ROBO2: variants seen among roughly 807,000 people sequenced by gnomAD.
ROBO2 encodes the protein roundabout homolog 2.
In ROBO2, 53 loss-of-function variants were observed where a neutral mutation model predicts 160.8. That is an observed-to-expected ratio of 0.33 (90% confidence interval 0.26 to 0.41). The LOEUF is 0.41. Among genes scored for constraint, ROBO2 ranks in the 10% least tolerant of loss-of-function variants. ROBO2 has a pLI of 1.00. For synonymous variants in ROBO2, 664 were observed against 611.7 expected (o/e 1.09, Z -1.26); for missense variants, 1,577 against 1,722.4 (o/e 0.92, Z 1.49).
chr3:76,571,730 T>C (rs964093429), intron 2 of ROBO2, among the ~76,000 whole-genome samples: 4 of 152,232 alleles, frequency 2.6e-5, no homozygotes, highest in Admixed American at 2.0e-4. Context: ...TTTGTAGAAA[T>C]AGAAGGTAAT....
intron 2 of ROBO2, among the ~76,000 whole-genome samples, chr3:76,794,852 T>C (rs1474613341): frequency 4.6e-5 from 7 of 152,042 alleles, no homozygotes; most frequent in Non-Finnish European, 8.8e-5. Context: ...TAAGACACAA[T>C]TTTCTTATTT....
Position 77,186,086 on chromosome 3 carries a change from G to T in ROBO2, c.388+87746G>T, listed in dbSNP as rs192149605. On this transcript the variant is annotated intron_variant, in intron 2 of 25. Coordinates refer to ENST00000461745, the Ensembl canonical transcript of ROBO2. Reference sequence around the variant, plus strand: ...CTACAAATTGGGTGCAGTGTGTACTGCTCGGGTGATGGGTGCACCCAAATC... The same window carrying T: ...CTACAAATTGGGTGCAGTGTGTACTTCTCGGGTGATGGGTGCACCCAAATC... 1.2e-4 allele frequency among the ~76,000 whole-genome samples: 18 copies of T among 152,062 alleles called. No individual in the cohort carries two copies. The East Asian group carries it at 3.5e-3, about 29-fold the overall frequency.
intron 2 of ROBO2, among the ~76,000 whole-genome samples, chr3:75,985,147 A>G (rs1396124508): frequency 4.6e-5 from 7 of 151,502 alleles, no homozygotes; most frequent in Admixed American, 6.6e-5. Flanking sequence ...TATGCATTGT[A>G]TCTTGACAGT....
chr3:76,429,961 C>G (rs891318124), intron 2 of ROBO2, among the ~76,000 whole-genome samples: 7 of 152,074 alleles, frequency 4.6e-5, no homozygotes, highest in African/African-American at 1.7e-4. Flanking sequence ...ACAGCATAGA[C>G]AGTTTGGACT....
At chr3:77,485,023 T>C (rs2085178145) in intron 4 of ROBO2, among the ~76,000 whole-genome samples, 2 of 152,144 alleles carry the variant, frequency 1.3e-5, no homozygotes, top group East Asian at 1.9e-4. Flanking sequence ...TCCCCTTCAC[T>C]ACAGTCTTCC....
intron 2 of ROBO2, among the ~76,000 whole-genome samples, chr3:77,371,203 A>G (rs2153476799): frequency 6.6e-6 from 1 of 152,324 alleles, no homozygotes; most frequent in Middle Eastern, 3.4e-3. Flanking sequence ...TTATGAGAAA[A>G]CAAGAACACT....
intron 2 of ROBO2, among the ~76,000 whole-genome samples, chr3:76,969,802 G>C (rs1370706905): frequency 6.6e-6 from 1 of 151,920 alleles, no homozygotes; most frequent in Non-Finnish European, 1.5e-5. Flanking sequence ...TATCAGAAGA[G>C]CTCTGTGTGT....
intron 16 of ROBO2, among the ~76,000 whole-genome samples, chr3:77,583,152 CAAAAAAA>C (rs56827523): frequency 5.6e-5 from 3 of 53,770 alleles, no homozygotes; most frequent in African/African-American, 1.9e-4. Context: ...TCTGTCTCTC[CAAAAAAA>C]AAAAAAAAAA....
chr3:77,252,162 G>A (rs58093695), intron 2 of ROBO2, among the ~76,000 whole-genome samples: 32,995 of 152,038 alleles, frequency 0.22, 3,876 homozygotes, highest in Middle Eastern at 0.31. Context: ...TCAGTCTTAC[G>A]ACGTGAACAT....
At chr3:76,743,477 G>A (rs933298104) in intron 2 of ROBO2, among the ~76,000 whole-genome samples, 24 of 151,870 alleles carry the variant, frequency 1.6e-4, no homozygotes, top group Admixed American at 3.9e-4. Context: ...AAAGAGTACT[G>A]TTACTCATAG....
chr3:77,464,309 A>G (rs1450687893), intron 2 of ROBO2, among the ~76,000 whole-genome samples: 1 of 152,162 alleles, frequency 6.6e-6, no homozygotes, highest in African/African-American at 2.4e-5. Flanking sequence ...CTCCATAAAC[A>G]CTTGTTAAAT....
chr3:76,436,175 C>CACACACACACACACACAA lies in ROBO2; in HGVS notation c.109+498579_109+498580insACACACACACAAACACAC, dbSNP rs1266592543. ...TAAAAGGAAAACACACACACACACA[C>CACACACACACACACACAA]ACACACCATTTCTTTTTCTTTTTTT... is the stretch of plus-strand genomic sequence containing the variant. On this transcript the variant is annotated intron_variant, in intron 2 of 26. Coordinates refer to the ROBO2 transcript ENST00000487694. Among the ~76,000 whole-genome samples, 389 of 151,848 alleles carry CACACACACACACACACAA rather than the reference C, an allele frequency of 2.6e-3. 2 individuals are homozygous for CACACACACACACACACAA. The highest frequency in any genetic ancestry group is 9.2e-3 in the African/African-American group (380 of 41,308).
intron 2 of ROBO2, among the ~76,000 whole-genome samples, chr3:76,706,367 G>A (rs953148190): frequency 1.1e-4 from 16 of 152,082 alleles, no homozygotes; most frequent in African/African-American, 3.9e-4. Flanking sequence ...CATCCGGAAG[G>A]TACAGGCTTC....
At chr3:76,793,653 G>T (rs1309615220) in intron 2 of ROBO2, among the ~76,000 whole-genome samples, 1 of 151,646 alleles carries the variant, frequency 6.6e-6, no homozygotes, top group African/African-American at 2.4e-5. Flanking sequence ...CAATGTGCAG[G>T]TTTGTTACAT....
chr3:77,164,916 G>T (rs367628868), intron 2 of ROBO2, among the ~76,000 whole-genome samples: 1 of 54,826 alleles, frequency 1.8e-5, no homozygotes, highest in Non-Finnish European at 5.1e-5. Context: ...CCGGCCAGCC[G>T]CCCCGTCCGG....
At chr3:77,611,462 CAGCAGAATGGCT>C (rs1256765940) in intron 21 of ROBO2, among the ~76,000 whole-genome samples, 2 of 152,088 alleles carry the variant, frequency 1.3e-5, no homozygotes, top group Non-Finnish European at 2.9e-5. Context: ...TGGAATATTG[CAGCAGAATGGCT>C]AGCAGAATGG....
intron 2 of ROBO2, among the ~76,000 whole-genome samples, chr3:76,981,712 T>G (rs2060108529): frequency 6.6e-6 from 1 of 152,206 alleles, no homozygotes; most frequent in South Asian, 2.1e-4. Flanking sequence ...TGGCTCACTA[T>G]TCTGTGGGCT....
chr3:77,162,944 C>T lies in ROBO2; in HGVS notation c.388+64604C>T, dbSNP rs191882045. Among the ~76,000 whole-genome samples the T allele has an allele frequency of 3.9e-5, 6 of 152,158 alleles. No individual in the cohort carries two copies. In the East Asian group the frequency reaches 1.2e-3, roughly 30 times the overall value. ...TCCTGGGTTCAAGCAATTGTCCTGA[C>T]TCAGCCTCCCAAGTAGCTGGGATCA... On this transcript the variant is annotated intron_variant, in intron 2 of 25. Coordinates refer to ENST00000461745, the Ensembl canonical transcript of ROBO2.
intron 2 of ROBO2, among the ~76,000 whole-genome samples, chr3:76,597,851 A>G (rs1346630278): frequency 2.6e-5 from 4 of 152,020 alleles, no homozygotes; most frequent in African/African-American, 9.7e-5. Context: ...ATCTCCATCC[A>G]TGTCCCTGCA....
Sources: gnomAD v4.1 joint callset for allele counts (sites outside exome capture counted in the v4.1 genomes callset) on GRCh38, gnomAD v4.1.1 for gene constraint, MANE v1.5 for transcripts, NCBI Gene and HGNC (gene_info 2026-07-23, HGNC 2026-07-21) for gene names.